OR51B5: variants seen among roughly 807,000 people sequenced by gnomAD.
OR51B5 encodes the protein olfactory receptor family 51 subfamily B member 5.
For synonymous variants in OR51B5, 186 were observed against 144.8 expected, an observed-to-expected ratio of 1.28 and a Z score of -2.04; for missense variants, 456 against 374.6, an observed-to-expected ratio of 1.22 and a Z score of -1.79.
chr11:5,431,526 T>C (rs1850535417), intron 1 of OR51B5: 1 of 159,816 alleles, frequency 6.3e-6, no homozygotes, highest in Non-Finnish European at 1.4e-5. Context: ...GAGCCAACCA[T>C]GTTGGGCCTC....
chr11:5,352,350 C>T, intron 1 of OR51B5: 1 of 1,613,846 alleles, frequency 6.2e-7, no homozygotes, highest in Non-Finnish European at 8.5e-7. Flanking sequence ...ACTTCCTTTT[C>T]CCACCTTTTA....
chr11:5,400,364 A>G lies in OR51B5; in HGVS notation n.85-53454T>C, dbSNP rs140156713. Among the ~76,000 whole-genome samples the G allele has an allele frequency of 1.2e-4, 18 of 152,296 alleles. No individual in the cohort carries two copies. In the East Asian group the frequency reaches 3.5e-3, roughly 29 times the overall value. On this transcript the variant is annotated intron_variant and non_coding_transcript_variant, in intron 1 of 4. Coordinates refer to the OR51B5 transcript ENST00000415970. ...ATTATTTTAATATCCTATTACATCT[A>G]CAGTTTTTATTTTCTCCATATTTTA...
chr11:5,340,725 A>AAGAT (rs1235991575), downstream of OR51B5: 2 of 152,196 alleles, frequency 1.3e-5, no homozygotes, highest in Non-Finnish European at 2.9e-5. Context: ...TTATAGTTAG[A>AAGAT]AGATATAAAT....
intron 1 of OR51B5, among the ~76,000 whole-genome samples, chr11:5,412,243 C>T (rs112307482): frequency 6.8e-4 from 103 of 152,222 alleles, no homozygotes; most frequent in Non-Finnish European, 9.4e-4. Context: ...ATCCTAGATG[C>T]CTGGTCTTTT....
chr11:5,496,270 G>T (rs192918574), intron 1 of OR51B5, among the ~76,000 whole-genome samples: 36 of 5,756 alleles, frequency 6.3e-3, no homozygotes, highest in African/African-American at 0.019. Flanking sequence ...GCATGCCTCT[G>T]GTTCCCTCTA....
At chr11:5,483,607 AG>A (rs1851459101) in intron 1 of OR51B5, among the ~76,000 whole-genome samples, 1 of 152,064 alleles carries the variant, frequency 6.6e-6, no homozygotes, top group Non-Finnish European at 1.5e-5. Flanking sequence ...AAAAGAGATC[AG>A]AATAGAGGAA....
At chr11:5,440,594 C>T (rs1272594189) in intron 1 of OR51B5, 3 of 1,613,250 alleles carry the variant, frequency 1.9e-6, no homozygotes, top group Non-Finnish European at 2.5e-6. Flanking sequence ...TATGGAAGAA[C>T]TTGAGAATCC....
At chr11:5,439,233 A>C (rs1002551740) in intron 1 of OR51B5, among the ~76,000 whole-genome samples, 2 of 152,152 alleles carry the variant, frequency 1.3e-5, no homozygotes, top group African/African-American at 2.4e-5. Context: ...AGGAAAGCAC[A>C]ATATGGGATT....
intron 1 of OR51B5, among the ~76,000 whole-genome samples, chr11:5,412,405 G>T (rs1161742160): frequency 1.3e-5 from 2 of 152,178 alleles, no homozygotes; most frequent in African/African-American, 2.4e-5. Context: ...TGAGGTATCA[G>T]GTTCATCTCA....
chr11:5,389,648 G>A lies in OR51B5; in HGVS notation n.85-42738C>T, dbSNP rs1266754174. ...ATCCTTGCTGGCCCTCACTGACCTG[G>A]GGCTGTGTGTGTCCACGTTGCCCAC... is the stretch of plus-strand genomic sequence containing the variant. On this transcript the variant is annotated intron_variant and non_coding_transcript_variant, in intron 1 of 4. Transcript: ENST00000415970. The A allele has an allele frequency of 5.6e-5, 90 of 1,613,432 alleles. 1 individual carries two copies. The highest frequency in any genetic ancestry group is 7.4e-5 in the Non-Finnish European group (87 of 1,179,888).
chr11:5,360,455 C>T (rs1470894920), intron 1 of OR51B5, among the ~76,000 whole-genome samples: 1 of 150,998 alleles, frequency 6.6e-6, no homozygotes, highest in African/African-American at 2.4e-5. Context: ...CATCTCACAC[C>T]AGTTAGAATG....
At chr11:5,407,114 G>C (rs754735666) in intron 1 of OR51B5, among the ~76,000 whole-genome samples, 1 of 152,090 alleles carries the variant, frequency 6.6e-6, no homozygotes, top group Non-Finnish European at 1.5e-5. Flanking sequence ...AGTGCATGGA[G>C]AATGCCTACC....
chr11:5,403,334 C>T (rs972080149), intron 1 of OR51B5: 17 of 471,638 alleles, frequency 3.6e-5, no homozygotes, highest in African/African-American at 2.4e-4. Flanking sequence ...GTGGCTCACA[C>T]GTCTGTGCTG....
At chr11:5,419,974 AT>A (rs1850306499) in intron 1 of OR51B5, among the ~76,000 whole-genome samples, 1 of 151,452 alleles carries the variant, frequency 6.6e-6, no homozygotes, top group African/African-American at 2.4e-5. Flanking sequence ...TTACATTTCA[AT>A]GTGCTTAATA....
At chr11:5,498,596 A>G (rs530358133) in intron 1 of OR51B5, among the ~76,000 whole-genome samples, 1 of 152,280 alleles carries the variant, frequency 6.6e-6, no homozygotes, top group South Asian at 2.1e-4. Flanking sequence ...TAGTTTCAGT[A>G]TGTCTCCTTA....
intron 1 of OR51B5, chr11:5,422,956 C>G: frequency 1.2e-6 from 2 of 1,614,096 alleles, no homozygotes; most frequent in Non-Finnish European, 1.7e-6. Context: ...CTGTCCTGGT[C>G]CTCTACATTC....
intron 1 of OR51B5, chr11:5,403,271 C>T (rs1440586519): frequency 4.2e-6 from 2 of 471,590 alleles, no homozygotes; most frequent in Admixed American, 4.7e-5. Context: ...TCATACTCCA[C>T]ACTGTATTGG....
chr11:5,430,336 A>G (rs926964531), intron 1 of OR51B5, among the ~76,000 whole-genome samples: 1 of 152,166 alleles, frequency 6.6e-6, no homozygotes, highest in East Asian at 1.9e-4. Flanking sequence ...TTAACTTACT[A>G]TTTGTCAGGC....
At chr11:5,381,112 C>T (rs111996173) in intron 1 of OR51B5, among the ~76,000 whole-genome samples, 3,157 of 117,314 alleles carry the variant, frequency 0.027, 112 homozygotes, top group African/African-American at 0.08. Flanking sequence ...CTTTCCACCC[C>T]ACCATACCCC....
Sources: allele counts gnomAD v4.1 joint callset (sites outside exome capture counted in the v4.1 genomes callset), GRCh38; gene constraint gnomAD v4.1.1; transcripts MANE v1.5; gene names NCBI Gene and HGNC (gene_info 2026-07-23, HGNC 2026-07-21).